The following VPS13D variants were observed in gnomAD, a reference collection of about 807,000 sequenced individuals.
VPS13D encodes vacuolar protein sorting 13 homolog D.
VPS13D carries 187 observed loss-of-function variants against 461.9 expected under a neutral mutation model. The observed-to-expected ratio is 0.40, with a 90% CI of 0.36 to 0.46. VPS13D has a LOEUF of 0.46. VPS13D is among the 20% of genes least tolerant of loss of function. The pLI is 0.60. For missense variants in VPS13D, 4,711 were observed against 5,364.9 expected (o/e 0.88, Z 3.81); for synonymous variants, 1,951 against 1,986.3 (o/e 0.98, Z 0.47).
At chr1:12,285,917 A>G (rs1423905684) in intron 21 of VPS13D, among the ~76,000 whole-genome samples, 1 of 151,300 alleles carries the variant, frequency 6.6e-6, no homozygotes, top group Non-Finnish European at 1.5e-5. Context: ...AAAATGATGC[A>G]TGAATTTCTT....
intron 22 of VPS13D, among the ~76,000 whole-genome samples, chr1:12,290,611 A>G (rs1391393548): frequency 6.6e-6 from 1 of 151,616 alleles, no homozygotes; most frequent in African/African-American, 2.4e-5. Context: ...AGTCCCAGCT[A>G]CTCGGCGGGG....
At chr1:12,311,378 CGTT>C (rs749833441) in intron 27 of VPS13D, 73 bp from the exon 28 acceptor site, 474 of 1,410,488 alleles carry the variant, frequency 3.4e-4, no homozygotes, top group Middle Eastern at 5.1e-4. Context: ...ATTTTAGCCC[CGTT>C]GTTTGGGCGT....
chr1:12,338,982 G>A (rs1329754668), intron 40 of VPS13D, among the ~76,000 whole-genome samples: 1 of 152,168 alleles, frequency 6.6e-6, no homozygotes, highest in Non-Finnish European at 1.5e-5. Context: ...ATTTATGTGT[G>A]TACATGGCAA....
intron 23 of VPS13D, among the ~76,000 whole-genome samples, chr1:12,291,984 C>T (rs745856721): frequency 3.0e-4 from 45 of 152,096 alleles, no homozygotes; most frequent in Non-Finnish European, 4.7e-4. Context: ...CAGGGCTGGG[C>T]GTGGTGGCTC....
chr1:12,322,009 A>C, intron 33 of VPS13D, 45 bp downstream of exon 33: 1 of 1,604,992 alleles, frequency 6.2e-7, no homozygotes, highest in Non-Finnish European at 8.5e-7. Context: ...GCTCTCAAAC[A>C]CTGTCCTATG....
intron 55 of VPS13D, among the ~76,000 whole-genome samples, chr1:12,376,846 C>A (rs993476487): frequency 6.6e-6 from 1 of 152,062 alleles, no homozygotes; most frequent in Non-Finnish European, 1.5e-5. Context: ...AGGAATGATA[C>A]AGATTGTGCT....
intron 68 of VPS13D, among the ~76,000 whole-genome samples, chr1:12,503,441 C>G (rs1385016005): frequency 6.6e-6 from 1 of 152,166 alleles, no homozygotes; most frequent in Non-Finnish European, 1.5e-5. Flanking sequence ...ACCTCAGCTT[C>G]CCAAAGTGCT....
intron 18 of VPS13D, 131 bp downstream of exon 18, chr1:12,273,266 C>A: frequency 1.7e-6 from 2 of 1,156,466 alleles, no homozygotes; most frequent in South Asian, 1.8e-5. Flanking sequence ...CTTCAAGGTT[C>A]ATCTGTAACT....
In VPS13D at chr1:12,421,146, C is replaced by T. The variant is rs372397789; in HGVS notation, c.12333+4319C>T. 3.1e-4 allele frequency among the ~76,000 whole-genome samples: 47 copies of T among 152,288 alleles called. No homozygotes were observed. In the Middle Eastern group the frequency reaches 0.01, roughly 33 times the overall value. On this transcript the variant is annotated intron_variant, in intron 65 of 69. Coordinates refer to ENST00000620676, the MANE Select transcript of VPS13D (RefSeq NM_015378.4). ...TTTGCCTTTCTTTCTCATCTCCCAA[C>T]GCTAGAAATCAGCATATGGATTCAA...
At chr1:12,334,318 C>T (rs1643399006) in intron 38 of VPS13D, among the ~76,000 whole-genome samples, 1 of 152,134 alleles carries the variant, frequency 6.6e-6, no homozygotes, top group Non-Finnish European at 1.5e-5. Context: ...GTTTTGACTC[C>T]TACATTGTTT....
At chr1:12,252,636 G>T (rs934586288) in intron 6 of VPS13D, among the ~76,000 whole-genome samples, 4 of 151,914 alleles carry the variant, frequency 2.6e-5, no homozygotes, top group Admixed American at 2.6e-4. Context: ...GCCAGGCATG[G>T]TGGCATATAC....
At chr1:12,485,667 G>T (rs988618703) in intron 67 of VPS13D, among the ~76,000 whole-genome samples, 4 of 152,162 alleles carry the variant, frequency 2.6e-5, no homozygotes, top group Admixed American at 1.3e-4. Flanking sequence ...AGGTTGTTGG[G>T]GGGGTGGGCC....
rs923588950 is a variant in VPS13D at position 12,440,397 on chromosome 1, C to G, written c.12334-15601C>G. Among the ~76,000 whole-genome samples the G allele has an allele frequency of 2.6e-5, 4 of 152,062 alleles. No homozygotes were observed. In the East Asian group the frequency reaches 7.7e-4, roughly 29 times the overall value. On this transcript the variant is annotated intron_variant, in intron 65 of 69. Transcript: ENST00000620676. Reference sequence around the variant, plus strand: ...CAGGGCTGGAGCAGCAGCTTGAATGCGAGGGAAAGCTAAAGGCAGGCTTTT... The same window carrying G: ...CAGGGCTGGAGCAGCAGCTTGAATGGGAGGGAAAGCTAAAGGCAGGCTTTT...
chr1:12,304,712 A>C lies in VPS13D; in HGVS notation c.6423A>C (p.Gln2141His), dbSNP rs747514579. 2 of 1,613,948 alleles carry C rather than the reference A, an allele frequency of 1.2e-6. No individual in the cohort carries two copies. Among genetic ancestry groups the C allele is most frequent in the Non-Finnish European group, 1.7e-6 (2 of 1,180,020 alleles). ...CGCAACCCACACTGTCTGTTGGCCA[A>C]GAGTCCAGTAGTCCAGGTAAAAGAG... ...QGPQPTLSVG[Q>H]ESSSPEDHVC... The change falls in exon 26 of 70, where the codon CAA becomes CAC. Residue 2141 changes from glutamine (Q) to histidine (H), a missense_variant. By Grantham distance (24) the Gln-to-His change is conservative (BLOSUM62 0). Coordinates refer to ENST00000620676, the MANE Select transcript of VPS13D (RefSeq NM_015378.4).
chr1:12,462,654 G>A (rs1645427168), intron 67 of VPS13D, among the ~76,000 whole-genome samples: 1 of 152,208 alleles, frequency 6.6e-6, no homozygotes. Flanking sequence ...CGAGGAGGGG[G>A]CTCATTGGAT....
intron 29 of VPS13D, 134 bp downstream of exon 29, chr1:12,312,059 T>TACCGA: frequency 2.0e-6 from 1 of 506,920 alleles, no homozygotes; most frequent in Non-Finnish European, 3.2e-6. Context: ...GTCTTTTGGT[T>TACCGA]GATCTACACA....
At chr1:12,429,308 T>C (rs1644963786) in intron 65 of VPS13D, among the ~76,000 whole-genome samples, 2 of 152,170 alleles carry the variant, frequency 1.3e-5, no homozygotes, top group Admixed American at 1.3e-4. Context: ...TTTTCTCTTT[T>C]TGAGATGGAG....
At chr1:12,411,992 A>T in intron 63 of VPS13D, among the ~76,000 whole-genome samples, 1 of 152,228 alleles carries the variant, frequency 6.6e-6, no homozygotes, top group Admixed American at 6.5e-5. Flanking sequence ...GAAGCAAATC[A>T]CAAGGCTAGT....
At position 12,280,531 on chromosome 1, in the gene VPS13D, C is replaced by G. The variant is rs114334445; in HGVS notation, c.4602+881C>G. ...TTTTTTTTTTTTTGAGACGGAGTCT[C>G]AGGCTACAGTGCCAGTGGTGTGATC... On this transcript the variant is annotated intron_variant, in intron 20 of 69. Coordinates refer to ENST00000620676, the MANE Select transcript of VPS13D (RefSeq NM_015378.4). Among the ~76,000 whole-genome samples the G allele has an allele frequency of 5.9e-3, 874 of 147,110 alleles. 13 individuals are homozygous for G. The highest frequency in any genetic ancestry group is 0.021 in the African/African-American group (828 of 40,050).
Sources: allele counts gnomAD v4.1 joint callset (sites outside exome capture counted in the v4.1 genomes callset), GRCh38; gene constraint gnomAD v4.1.1; transcripts MANE v1.5; gene names NCBI Gene and HGNC (gene_info 2026-07-23, HGNC 2026-07-21).